The following GRIK2 variants were observed in gnomAD, a reference collection of about 807,000 sequenced individuals.
GRIK2 encodes glutamate ionotropic receptor kainate type subunit 2, also known as glutamate receptor ionotropic, kainate 2.
Under a neutral mutation model 100.3 loss-of-function variants are expected in GRIK2, and 32 were observed. That is an observed-to-expected ratio of 0.32 (90% CI 0.24 to 0.43). The LOEUF is 0.43. Ranked by LOEUF, GRIK2 falls within the 20% of genes least tolerant of loss-of-function variation. GRIK2 has a pLI of 1.00. For missense variants in GRIK2, 843 were observed against 1,114.9 expected (o/e 0.76, Z 3.47); for synonymous variants, 417 against 389.4 (o/e 1.07, Z -0.83).
chr6:101,868,980 T>C (rs191588729), intron 11 of GRIK2, among the ~76,000 whole-genome samples: 20 of 151,958 alleles, frequency 1.3e-4, no homozygotes, highest in African/African-American at 4.8e-4. Context: ...ATTCTGAAAA[T>C]ATTTTGGGAA....
chr6:101,440,347 A>G (rs1056048653), intron 2 of GRIK2, among the ~76,000 whole-genome samples: 6 of 152,218 alleles, frequency 3.9e-5, no homozygotes, highest in Non-Finnish European at 5.9e-5. Flanking sequence ...GAAGAAATGA[A>G]CAAAGTCATA....
intron 11 of GRIK2, among the ~76,000 whole-genome samples, chr6:101,882,362 C>T (rs763435649): frequency 6.6e-6 from 1 of 152,174 alleles, no homozygotes; most frequent in Non-Finnish European, 1.5e-5. Context: ...CAAAACTAAA[C>T]TAAAACAATT....
intron 14 of GRIK2, among the ~76,000 whole-genome samples, chr6:102,002,346 T>C (rs996492205): frequency 1.4e-5 from 2 of 145,550 alleles, no homozygotes; most frequent in African/African-American, 4.9e-5. Context: ...GTATGTAGTA[T>C]ATGTGCATGT....
chr6:102,004,864 T>C (rs1254191553), intron 14 of GRIK2, among the ~76,000 whole-genome samples: 1 of 151,844 alleles, frequency 6.6e-6, no homozygotes, highest in Admixed American at 6.6e-5. Flanking sequence ...AGTGCATTTT[T>C]TTTTTCTTTC....
chr6:101,907,391 GAA>G (rs10709450), intron 12 of GRIK2, among the ~76,000 whole-genome samples: 1 of 150,612 alleles, frequency 6.6e-6, no homozygotes, highest in Non-Finnish European at 1.5e-5. Flanking sequence ...TGATTTAAAA[GAA>G]AAAAAAAAGC....
At chr6:101,725,975 T>A (rs1774836132) in intron 7 of GRIK2, among the ~76,000 whole-genome samples, 1 of 151,926 alleles carries the variant, frequency 6.6e-6, no homozygotes, top group Non-Finnish European at 1.5e-5. Flanking sequence ...TTATAACAAT[T>A]TTTTTCTATA....
intron 14 of GRIK2, among the ~76,000 whole-genome samples, chr6:101,975,417 A>C (rs1458473037): frequency 2.6e-5 from 4 of 151,954 alleles, no homozygotes; most frequent in Non-Finnish European, 5.9e-5. Context: ...AGAGCAGCCA[A>C]ATACATAGGT....
intron 7 of GRIK2, among the ~76,000 whole-genome samples, chr6:101,794,557 T>C (rs1780156373): frequency 6.6e-6 from 1 of 152,198 alleles, no homozygotes; most frequent in Non-Finnish European, 1.5e-5. Flanking sequence ...TGGTTTTCTG[T>C]AGTGGTTCCA....
chr6:101,801,194 AC>A (rs1299805397), intron 8 of GRIK2, among the ~76,000 whole-genome samples: 1 of 151,984 alleles, frequency 6.6e-6, no homozygotes, highest in African/African-American at 2.4e-5. Context: ...CTTCTGTTTT[AC>A]ACTTCTATTC....
chr6:101,823,417 T>C (rs1161229127), intron 10 of GRIK2, among the ~76,000 whole-genome samples: 1 of 151,976 alleles, frequency 6.6e-6, no homozygotes, highest in East Asian at 1.9e-4. Flanking sequence ...GATCGTCAAC[T>C]ACAGGTCTAT....
At chr6:101,534,686 C>T (rs1035498022) in intron 2 of GRIK2, among the ~76,000 whole-genome samples, 1 of 151,768 alleles carries the variant, frequency 6.6e-6, no homozygotes, top group Non-Finnish European at 1.5e-5. Flanking sequence ...ATCCTATAAA[C>T]CCTCAAAAAT....
chr6:101,963,278 ATTTTTTTTTTTTTTTT>A (rs3029099), intron 14 of GRIK2, among the ~76,000 whole-genome samples: 26 of 27,842 alleles, frequency 9.3e-4, no homozygotes, highest in East Asian at 1.1e-3. Context: ...CTTATTTAGG[ATTTTTTTTTTTTTTTT>A]TTTTTTTTTT....
intron 7 of GRIK2, among the ~76,000 whole-genome samples, chr6:101,695,528 T>C (rs768535054): frequency 1.1e-4 from 16 of 151,052 alleles, no homozygotes; most frequent in Non-Finnish European, 1.8e-4. Flanking sequence ...CCTATATTTA[T>C]CTATGTACTA....
At chr6:101,939,510 G>C (rs908197583) in intron 14 of GRIK2, among the ~76,000 whole-genome samples, 5 of 151,976 alleles carry the variant, frequency 3.3e-5, no homozygotes, top group Admixed American at 6.6e-5. Flanking sequence ...ACACTCAGTT[G>C]CATTCTCATT....
intron 15 of GRIK2, among the ~76,000 whole-genome samples, chr6:102,053,136 G>T (rs923646655): frequency 6.7e-6 from 1 of 149,682 alleles, no homozygotes; most frequent in Non-Finnish European, 1.5e-5. Flanking sequence ...ACAAAGAAAA[G>T]AAATTACAAC....
At chr6:101,712,462 T>G (rs1773785794) in intron 7 of GRIK2, among the ~76,000 whole-genome samples, 1 of 151,860 alleles carries the variant, frequency 6.6e-6, no homozygotes, top group Non-Finnish European at 1.5e-5. Flanking sequence ...TGGACTGCAA[T>G]AAAAAATATT....
chr6:101,848,174 T>C (rs1209310270), intron 10 of GRIK2, among the ~76,000 whole-genome samples: 1 of 152,140 alleles, frequency 6.6e-6, no homozygotes, highest in Non-Finnish European at 1.5e-5. Context: ...GAGTATCAAA[T>C]AGTATCAACA....
chr6:101,795,626 AC>A (rs1273989805), intron 7 of GRIK2, among the ~76,000 whole-genome samples: 1 of 152,176 alleles, frequency 6.6e-6, no homozygotes, highest in Non-Finnish European at 1.5e-5. Flanking sequence ...TGGTGGGACC[AC>A]CCTTGGACTC....
intron 10 of GRIK2, among the ~76,000 whole-genome samples, chr6:101,844,941 T>C (rs1267400218): frequency 6.6e-6 from 1 of 152,180 alleles, no homozygotes; most frequent in East Asian, 1.9e-4. Flanking sequence ...TCCAGATCAT[T>C]TTCATAACCC....
Sources: allele counts gnomAD v4.1 joint callset (sites outside exome capture counted in the v4.1 genomes callset), GRCh38; gene constraint gnomAD v4.1.1; transcripts MANE v1.5; gene names NCBI Gene and HGNC (gene_info 2026-07-23, HGNC 2026-07-21).